Variants in CXCL13 observed in about 807,000 individuals in gnomAD.
CXCL13 encodes C-X-C motif chemokine 13.
A neutral mutation model predicts 12.2 loss-of-function variants in CXCL13; 7 were observed. The ratio of observed to expected loss-of-function variants is 0.57; its 90% CI spans 0.33 to 1.07. The LOEUF (loss-of-function observed/expected upper bound fraction) is 1.07. CXCL13 is among the 50% of genes least tolerant of loss of function. The pLI is 0.04. For synonymous variants in CXCL13, 47 were observed against 42.4 expected, an observed-to-expected ratio of 1.11 and a Z score of -0.42; for missense variants, 113 against 127.4, an observed-to-expected ratio of 0.89 and a Z score of 0.55.
intron 2 of CXCL13, among the ~76,000 whole-genome samples, chr4:77,608,609 AT>A (rs1727064328): frequency 6.6e-6 from 1 of 152,064 alleles, no homozygotes; most frequent in South Asian, 2.1e-4. Context: ...ACTTCTTTAG[AT>A]TTTTGCAATG....
rs1272920222 is a variant in CXCL13 at position 77,587,706 on chromosome 4, G to T, written c.-42-18118G>T. Among the ~76,000 whole-genome samples the T allele has an allele frequency of 3.3e-5, 5 of 152,182 alleles. No individual in the cohort carries two copies. In the East Asian group the frequency reaches 7.7e-4, roughly 23 times the overall value. ...CAGGAAAACAAGTAACATACCCAAG[G>T]CCATGAAACTAGTAAGAGGAAGAGC... On this transcript the variant is annotated intron_variant, in intron 1 of 4. Coordinates refer to the CXCL13 transcript ENST00000286758.
chr4:77,537,888 A>T (rs1013265387), intron 1 of CXCL13, among the ~76,000 whole-genome samples: 1 of 152,158 alleles, frequency 6.6e-6, no homozygotes, highest in African/African-American at 2.4e-5. Context: ...TCTTGATCCA[A>T]ATCAACCCAG....
At chr4:77,606,781 C>T (rs1727012052) in intron 1 of CXCL13, among the ~76,000 whole-genome samples, 1 of 152,128 alleles carries the variant, frequency 6.6e-6, no homozygotes, top group African/African-American at 2.4e-5. Flanking sequence ...GTTTCCCCTA[C>T]TAACTTGTAC....
chr4:77,518,213 T>G (rs1369233442), intron 1 of CXCL13, among the ~76,000 whole-genome samples: 1 of 152,230 alleles, frequency 6.6e-6, no homozygotes, highest in Admixed American at 6.5e-5. Context: ...CCTTTCTCTC[T>G]GGCTGCCCTT....
At chr4:77,545,046 C>A (rs1428109801) in intron 1 of CXCL13, among the ~76,000 whole-genome samples, 1 of 152,132 alleles carries the variant, frequency 6.6e-6, no homozygotes, top group Non-Finnish European at 1.5e-5. Flanking sequence ...TGTCAAAGAT[C>A]TGATGGTTGT....
At chr4:77,543,589 TTCTG>T (rs1252222948) in intron 1 of CXCL13, among the ~76,000 whole-genome samples, 3 of 152,254 alleles carry the variant, frequency 2.0e-5, no homozygotes, top group African/African-American at 7.2e-5. Flanking sequence ...ATTTTTGAAT[TTCTG>T]TCTTACTTTT....
intron 1 of CXCL13, among the ~76,000 whole-genome samples, chr4:77,584,687 A>G (rs1726411675): frequency 6.6e-6 from 1 of 152,178 alleles, no homozygotes; most frequent in African/African-American, 2.4e-5. Context: ...TGATCAGCCC[A>G]GAAGATCCAG....
At chr4:77,552,060 T>C (rs917806073) in intron 1 of CXCL13, among the ~76,000 whole-genome samples, 3 of 152,208 alleles carry the variant, frequency 2.0e-5, no homozygotes, top group Non-Finnish European at 2.9e-5. Flanking sequence ...CAATCTATCC[T>C]TTGAATTATT....
chr4:77,516,496 G>C (rs1724423533), intron 1 of CXCL13, among the ~76,000 whole-genome samples: 1 of 152,176 alleles, frequency 6.6e-6, no homozygotes, highest in East Asian at 1.9e-4. Flanking sequence ...CCTGTTATTG[G>C]TCTATTCAGA....
intron 1 of CXCL13, among the ~76,000 whole-genome samples, chr4:77,583,846 G>C (rs1041751225): frequency 6.6e-6 from 1 of 152,172 alleles, no homozygotes; most frequent in Non-Finnish European, 1.5e-5. Context: ...CATGGGCTAG[G>C]TGAGTTTGTT....
At chr4:77,605,303 T>C (rs1726974707), upstream of CXCL13, among the ~76,000 whole-genome samples, 1 of 152,140 alleles carries the variant, frequency 6.6e-6, no homozygotes. Context: ...AAAAGACTGG[T>C]AGGAAAATCA....
chr4:77,580,304 C>CTTTTTT (rs1560531865), intron 1 of CXCL13, among the ~76,000 whole-genome samples: 1 of 8,010 alleles, frequency 1.2e-4, no homozygotes, highest in African/African-American at 3.9e-4. Context: ...GACAAGTTTT[C>CTTTTTT]TTTCTTTTTT....
intron 1 of CXCL13, among the ~76,000 whole-genome samples, chr4:77,551,609 T>C (rs898827417): frequency 1.3e-5 from 2 of 152,210 alleles, no homozygotes; most frequent in Admixed American, 6.5e-5. Context: ...TTGTATAGTA[T>C]GTTGCAAGTG....
chr4:77,513,347 G>A (rs935851442), intron 1 of CXCL13, among the ~76,000 whole-genome samples: 2 of 152,072 alleles, frequency 1.3e-5, no homozygotes, highest in Non-Finnish European at 2.9e-5. Context: ...GATTCTTGAG[G>A]AATTGCCACA....
chr4:77,611,322 T>C lies in CXCL13; in HGVS notation c.*283T>C, dbSNP rs1009768719. On this transcript the variant is annotated 3_prime_UTR_variant, in exon 4 of 4. Transcript: ENST00000682537. ...GTAATACAGGATTATTTTGATTATA[T>C]ACTTGTTGTTTAATGTTTAAAATTT... is the stretch of plus-strand genomic sequence containing the variant. 2.7e-6 allele frequency: 1 copy of C among 367,794 alleles called. No homozygotes were observed. The allele number at this position is 367,794 out of a possible 1,614,324, so 22.8% of individuals were successfully genotyped here. A position where few individuals can be genotyped will look rare whatever the true frequency, so the allele number is the denominator to read the frequency against.
chr4:77,537,530 A>T (rs1725088887), intron 1 of CXCL13, among the ~76,000 whole-genome samples: 2 of 152,220 alleles, frequency 1.3e-5, no homozygotes, highest in South Asian at 2.1e-4. Flanking sequence ...AGATATAGTG[A>T]GGAGCATGCT....
chr4:77,570,527 T>G (rs1726044474), intron 1 of CXCL13, among the ~76,000 whole-genome samples: 1 of 152,192 alleles, frequency 6.6e-6, no homozygotes, highest in Non-Finnish European at 1.5e-5. Flanking sequence ...CCTCACTTGC[T>G]CTCGGCGCCT....
intron 1 of CXCL13, among the ~76,000 whole-genome samples, chr4:77,550,058 C>T (rs575902932): frequency 1.3e-5 from 2 of 152,240 alleles, no homozygotes; most frequent in East Asian, 1.9e-4. Context: ...GCGGACACCC[C>T]TCTCCCAGCC....
chr4:77,598,528 A>T (rs1726818784), intron 1 of CXCL13, among the ~76,000 whole-genome samples: 1 of 152,216 alleles, frequency 6.6e-6, no homozygotes, highest in Non-Finnish European at 1.5e-5. Flanking sequence ...AAGAGCTTTG[A>T]ATCAAACATT....
Sources: allele counts gnomAD v4.1 joint callset (sites outside exome capture counted in the v4.1 genomes callset), GRCh38; gene constraint gnomAD v4.1.1; transcripts MANE v1.5; gene names NCBI Gene and HGNC (gene_info 2026-07-23, HGNC 2026-07-21).